SPHKAP: variants seen among roughly 807,000 people sequenced by gnomAD.
SPHKAP encodes A-kinase anchor protein SPHKAP.
In SPHKAP, 67 loss-of-function variants were observed where a neutral mutation model predicts 137.5. The ratio of observed to expected loss-of-function variants is 0.49; its 90% confidence interval spans 0.40 to 0.60. The LOEUF is 0.60. Ranked by LOEUF, SPHKAP falls within the 20% of genes least tolerant of loss-of-function variation. SPHKAP has a pLI of 0.00. For synonymous variants in SPHKAP, 813 were observed against 785.3 expected (o/e 1.04, Z -0.59); for missense variants, 2,097 against 2,069.3 (o/e 1.01, Z -0.26).
At chr2:228,066,659 G>A (rs190412846) in intron 3 of SPHKAP, among the ~76,000 whole-genome samples, 5 of 152,264 alleles carry the variant, frequency 3.3e-5, no homozygotes, top group East Asian at 1.9e-4. Flanking sequence ...AGCACAAAGC[G>A]TCTTGGTCTC....
intron 7 of SPHKAP, among the ~76,000 whole-genome samples, chr2:228,009,222 T>G (rs142732256): frequency 9.5e-4 from 145 of 152,334 alleles, no homozygotes; most frequent in African/African-American, 3.2e-3. Context: ...TTGTTTCTGA[T>G]AAGAAATCTG....
chr2:228,030,364 A>C (rs533073176), intron 3 of SPHKAP, among the ~76,000 whole-genome samples: 73 of 151,562 alleles, frequency 4.8e-4, no homozygotes, highest in African/African-American at 1.6e-3. Flanking sequence ...AAATACAAAA[A>C]ACAGCCGGGT....
intron 3 of SPHKAP, among the ~76,000 whole-genome samples, chr2:228,033,459 G>A (rs540138024): frequency 2.2e-4 from 33 of 152,026 alleles, no homozygotes; most frequent in African/African-American, 5.8e-4. Context: ...TGTCAACATT[G>A]GACAGATCAA....
chr2:228,119,473 T>TACACACACACACACACA (rs1698839856), intron 2 of SPHKAP, among the ~76,000 whole-genome samples: 1 of 141,900 alleles, frequency 7.0e-6, no homozygotes, highest in Non-Finnish European at 1.6e-5. Context: ...ACACACACAC[T>TACACACACACACACACA]CTCTCTCTCT....
intron 11 of SPHKAP, among the ~76,000 whole-genome samples, chr2:227,984,975 T>C (rs181216490): frequency 1.3e-5 from 2 of 152,302 alleles, no homozygotes; most frequent in Admixed American, 1.3e-4. Flanking sequence ...AGTCATTTTC[T>C]GGGTGGGGGA....
In SPHKAP at chr2:228,003,038, C is replaced by T. The variant is rs558878599; in HGVS notation, c.4449-7344G>A. On this transcript the variant is annotated intron_variant, in intron 7 of 11. Coordinates refer to ENST00000392056, the MANE Select transcript of SPHKAP (RefSeq NM_001142644.2). ...CTTTGTTCTTTTGGCTTAGGATTGA[C>T]TTGGCAATGCGGGCTCTTTTTTGGT... Among the ~76,000 whole-genome samples the T allele has an allele frequency of 7.2e-5, 11 of 152,282 alleles. 1 individual carries two copies. The South Asian group carries it at 2.3e-3, about 32-fold the overall frequency.
chr2:228,104,208 A>G (rs1698262688), intron 3 of SPHKAP, among the ~76,000 whole-genome samples: 1 of 145,826 alleles, frequency 6.9e-6, no homozygotes, highest in Non-Finnish European at 1.5e-5. Context: ...ATTATATATT[A>G]TATAATGATT....
intron 3 of SPHKAP, among the ~76,000 whole-genome samples, chr2:228,040,435 A>T: frequency 6.6e-6 from 1 of 152,220 alleles, no homozygotes; most frequent in Admixed American, 6.5e-5. Context: ...TATGCCACCC[A>T]TGCTGTGGAC....
At chr2:228,171,280 A>C (rs1258424663) in intron 1 of SPHKAP, among the ~76,000 whole-genome samples, 1 of 152,078 alleles carries the variant, frequency 6.6e-6, no homozygotes, top group Non-Finnish European at 1.5e-5. Flanking sequence ...TATTTGTGTG[A>C]TTTGAGTAAT....
intron 2 of SPHKAP, among the ~76,000 whole-genome samples, chr2:228,110,608 T>C (rs1406719708): frequency 2.0e-5 from 3 of 147,908 alleles, no homozygotes; most frequent in African/African-American, 4.9e-5. Flanking sequence ...CAGACTACTT[T>C]GATAATAATA....
intron 3 of SPHKAP, among the ~76,000 whole-genome samples, chr2:228,089,709 C>T (rs1296768586): frequency 6.6e-6 from 1 of 152,188 alleles, no homozygotes; most frequent in Non-Finnish European, 1.5e-5. Context: ...AATACTGCTC[C>T]CTACATCCCT....
chr2:228,066,940 T>C (rs1696845651), intron 3 of SPHKAP, among the ~76,000 whole-genome samples: 2 of 152,254 alleles, frequency 1.3e-5, no homozygotes, highest in African/African-American at 4.8e-5. Flanking sequence ...TAACCTTCTC[T>C]TCATTTCTTT....
intron 1 of SPHKAP, among the ~76,000 whole-genome samples, chr2:228,174,715 C>G (rs1446645114): frequency 1.3e-5 from 2 of 151,984 alleles, no homozygotes; most frequent in Non-Finnish European, 2.9e-5. Context: ...ATGAAGCAAC[C>G]AACAGAACCA....
At position 228,017,843 on chromosome 2, in the gene SPHKAP, T is replaced by C; in HGVS notation, c.3011A>G (p.Lys1004Arg). ...CTCAGGGTGCTCGTCCGTCTTCCTC[T>C]TGATCTCACTGAGCCGGGGAGGCTT... ...KHKPPRLSEIKRKTDEHPELK... is the reference protein window; with the variant it reads ...KHKPPRLSEIRRKTDEHPELK... The change falls in exon 7 of 12, where the codon AAG becomes AGG. Residue 1004 changes from lysine (K) to arginine (R), a missense_variant. Physicochemically the swap from Lys to Arg is conservative, Grantham distance 26. Coordinates refer to ENST00000392056, the MANE Select transcript of SPHKAP (RefSeq NM_001142644.2). 1 of 1,614,134 alleles carries C rather than the reference T, an allele frequency of 6.2e-7. No homozygotes were observed. The highest frequency in any genetic ancestry group is 1.1e-5 in the South Asian group (1 of 91,070).
rs112907515 is a variant in SPHKAP, at chr2:228,008,608, T to C, written c.4448+7798A>G. Among the ~76,000 whole-genome samples the C allele has an allele frequency of 9.1e-3, 1,390 of 152,266 alleles. 22 individuals carry two copies. Among genetic ancestry groups the C allele is most frequent in the African/African-American group, 0.031 (1,271 of 41,558 alleles). ...CTGCTCCCAGCCATTCCAGGAGTTA[T>C]ATAGCTTTGTGTTTACATTTAGGTC... On this transcript the variant is annotated intron_variant, in intron 7 of 11. Transcript: ENST00000392056.
chr2:228,108,878 G>A lies in SPHKAP; in HGVS notation c.200C>T (p.Pro67Leu), dbSNP rs1698423728. The part of the protein sequence containing the change: ...TDYWLQNQRM[P>L]CQIGFVEDKS... ...GTCTTCTACAAAACCAATTTGGCAG[G>A]GCATCCTCTGATTCTGCAACCAGTA... Residue 67 changes from proline (P) to leucine (L), a missense_variant, in exon 3 of 12, where the codon CCC (proline) becomes CTC (leucine). Physicochemically the swap from Pro to Leu is moderately conservative, Grantham distance 98 (BLOSUM62 -3). Transcript: ENST00000392056. The A allele has an allele frequency of 6.2e-7, 1 of 1,609,982 alleles. No individual in the cohort carries two copies. Among genetic ancestry groups the A allele is most frequent in the Non-Finnish European group, 8.5e-7 (1 of 1,179,130 alleles).
chr2:228,141,253 A>G (rs1699598875), intron 1 of SPHKAP, among the ~76,000 whole-genome samples: 1 of 152,110 alleles, frequency 6.6e-6, no homozygotes, highest in African/African-American at 2.4e-5. Flanking sequence ...CTATTACTCA[A>G]CCCTCTCTAA....
At chr2:228,068,100 G>C (rs1696885143) in intron 3 of SPHKAP, among the ~76,000 whole-genome samples, 2 of 151,958 alleles carry the variant, frequency 1.3e-5, no homozygotes, top group Admixed American at 1.3e-4. Context: ...ATCTGAAAAA[G>C]AAGTTAAGAA....
chr2:228,000,215 C>T (rs11680179), intron 7 of SPHKAP, among the ~76,000 whole-genome samples: 79,963 of 152,106 alleles, frequency 0.53, 21,362 homozygotes, highest in South Asian at 0.67. Flanking sequence ...AGCGGTGGCT[C>T]ACGCCTGTAA....
Sources: gnomAD v4.1 joint callset for allele counts (sites outside exome capture counted in the v4.1 genomes callset) on GRCh38, gnomAD v4.1.1 for gene constraint, MANE v1.5 for transcripts, NCBI Gene and HGNC (gene_info 2026-07-23, HGNC 2026-07-21) for gene names.